Variants in RTN4IP1 observed in about 807,000 individuals in gnomAD.
The protein encoded by RTN4IP1 is NAD(P)H oxidoreductase RTN4IP1, mitochondrial.
Under a neutral mutation model 46.6 loss-of-function variants are expected in RTN4IP1, and 32 were observed. The observed-to-expected ratio is 0.69, with a 90% CI of 0.52 to 0.92. The LOEUF is 0.92. Among genes scored for constraint, RTN4IP1 ranks in the 40% least tolerant of loss-of-function variants. The pLI, the probability that RTN4IP1 is intolerant of heterozygous loss-of-function variation, is 0.00. For missense variants in RTN4IP1, 424 were observed against 485.8 expected, an observed-to-expected ratio of 0.87 and a Z score of 1.20; for synonymous variants, 167 against 161.8, an observed-to-expected ratio of 1.03 and a Z score of -0.24.
chr6:106,597,909 T>C (rs574774745), intron 5 of RTN4IP1, among the ~76,000 whole-genome samples: 7 of 152,150 alleles, frequency 4.6e-5, no homozygotes, highest in African/African-American at 1.2e-4. Context: ...TGTGATCTCA[T>C]TGTTCAATTC....
At chr6:106,619,606 A>ATTTTTTTTT (rs869120910) in intron 3 of RTN4IP1, among the ~76,000 whole-genome samples, 4 of 110,474 alleles carry the variant, frequency 3.6e-5, no homozygotes, top group Non-Finnish European at 5.3e-5. Flanking sequence ...ACTTTTCTTC[A>ATTTTTTTTT]TTTTTTTTTT....
chr6:106,572,103 T>C lies in RTN4IP1; in HGVS notation c.1084A>G (p.Ile362Val). ...AAGGTTTGTTCAATAACTGGCCGGA[T>C]CTGTAAAACATAAGAGGTTGACCGG... ...DIAELVDAGKIRPVIEQTFPF... is the reference protein window; with the variant it reads ...DIAELVDAGKVRPVIEQTFPF... Residue 362 changes from isoleucine (I) to valine (V), a missense_variant and splice_region_variant, in exon 9 of 9, where the codon ATC becomes GTC. Coordinates refer to ENST00000369063, the MANE Select transcript of RTN4IP1 (RefSeq NM_032730.5). 1 of 1,611,638 alleles carries C rather than the reference T, an allele frequency of 6.2e-7. No individual in the cohort carries two copies. Among genetic ancestry groups the C allele is most frequent in the Non-Finnish European group, 8.5e-7 (1 of 1,177,906 alleles).
chr6:106,578,280 G>A (rs1270270305), intron 8 of RTN4IP1, among the ~76,000 whole-genome samples: 1 of 152,232 alleles, frequency 6.6e-6, no homozygotes, highest in Non-Finnish European at 1.5e-5. Flanking sequence ...CCCTGCCTAT[G>A]TGACCTTGAA....
At chr6:106,594,774 ATC>A (rs528670560) in intron 5 of RTN4IP1, among the ~76,000 whole-genome samples, 178 of 152,096 alleles carry the variant, frequency 1.2e-3, no homozygotes, top group African/African-American at 4.1e-3. Flanking sequence ...TATCTTTTAA[ATC>A]TCTTTTTTTA....
chr6:106,576,064 C>T (rs778491372), intron 8 of RTN4IP1, among the ~76,000 whole-genome samples: 6 of 152,202 alleles, frequency 3.9e-5, no homozygotes, highest in Non-Finnish European at 8.8e-5. Flanking sequence ...AGGTATGCCC[C>T]TGACCTCTGT....
chr6:106,598,799 A>G (rs1270873141), intron 5 of RTN4IP1, among the ~76,000 whole-genome samples: 1 of 151,250 alleles, frequency 6.6e-6, no homozygotes, highest in Non-Finnish European at 1.5e-5. Flanking sequence ...GGTAATGCCT[A>G]GGTTTTCTTC....
At chr6:106,572,318 T>G in intron 8 of RTN4IP1, 1 of 547,378 alleles carries the variant, frequency 1.8e-6, no homozygotes, top group Non-Finnish European at 3.3e-6. Context: ...CCCACCCCAC[T>G]GCCCAGTCTT....
chr6:106,572,300 T>A (rs1332057297), intron 8 of RTN4IP1, 197 bp from the exon 9 acceptor site: 1 of 585,220 alleles, frequency 1.7e-6, no homozygotes, highest in Non-Finnish European at 3.0e-6. Flanking sequence ...TCTCTCTTTA[T>A]GGCCCCTCCC....
At chr6:106,609,888 C>T (rs1223511522) in intron 4 of RTN4IP1, among the ~76,000 whole-genome samples, 2 of 151,640 alleles carry the variant, frequency 1.3e-5, no homozygotes, top group African/African-American at 4.8e-5. Flanking sequence ...TTTGTGTTGC[C>T]ACCTGATGGC....
chr6:106,617,751 G>A (rs955992314), intron 4 of RTN4IP1, among the ~76,000 whole-genome samples: 4 of 152,098 alleles, frequency 2.6e-5, no homozygotes, highest in East Asian at 3.8e-4. Context: ...TATATTAAAA[G>A]TAAGTCCACA....
chr6:106,615,620 A>G (rs760087777), intron 4 of RTN4IP1, among the ~76,000 whole-genome samples: 3 of 151,598 alleles, frequency 2.0e-5, no homozygotes, highest in Non-Finnish European at 2.9e-5. Context: ...GACTACAGGC[A>G]CGCAACACTA....
At chr6:106,608,197 C>G (rs534797789) in intron 4 of RTN4IP1, among the ~76,000 whole-genome samples, 2 of 152,166 alleles carry the variant, frequency 1.3e-5, no homozygotes, top group East Asian at 3.9e-4. Context: ...CAGGGATGAG[C>G]CTGGAGGACA....
intron 5 of RTN4IP1, among the ~76,000 whole-genome samples, chr6:106,597,516 G>T (rs1463489098): frequency 6.6e-6 from 1 of 151,736 alleles, no homozygotes; most frequent in Non-Finnish European, 1.5e-5. Context: ...GCTAATTTTT[G>T]TATTTTTTGT....
chr6:106,624,668 C>T (rs1036994612), intron 1 of RTN4IP1, among the ~76,000 whole-genome samples: 1 of 149,606 alleles, frequency 6.7e-6, no homozygotes, highest in African/African-American at 2.4e-5. Flanking sequence ...TATTTACAGG[C>T]CAGGTGTGGT....
At chr6:106,624,011 G>T (rs1776565406) in intron 1 of RTN4IP1, among the ~76,000 whole-genome samples, 1 of 152,090 alleles carries the variant, frequency 6.6e-6, no homozygotes, top group Non-Finnish European at 1.5e-5. Context: ...AAGCCTCTTG[G>T]CTGCATCTGT....
At chr6:106,594,870 G>A (rs973353077) in intron 5 of RTN4IP1, among the ~76,000 whole-genome samples, 5 of 151,488 alleles carry the variant, frequency 3.3e-5, no homozygotes, top group Non-Finnish European at 7.4e-5. Flanking sequence ...GCATGATCTC[G>A]GCTCACTGCA....
In RTN4IP1 at chr6:106,572,102, A is replaced by T; in HGVS notation, c.1085T>A (p.Ile362Asn). 1 of 1,612,268 alleles carries T rather than the reference A, an allele frequency of 6.2e-7. No homozygotes were observed. The highest frequency in any genetic ancestry group is 8.5e-7 in the Non-Finnish European group (1 of 1,178,434). ...AAAGGTTTGTTCAATAACTGGCCGG[A>T]TCTGTAAAACATAAGAGGTTGACCG... is the stretch of plus-strand genomic sequence containing the variant. ...DIAELVDAGK[I>N]RPVIEQTFPF... Residue 362 changes from isoleucine to asparagine, a missense_variant and splice_region_variant, in exon 9 of 9, where the codon ATC becomes AAC. Coordinates refer to ENST00000369063, the MANE Select transcript of RTN4IP1 (RefSeq NM_032730.5).
intron 4 of RTN4IP1, among the ~76,000 whole-genome samples, chr6:106,603,664 T>C (rs1406067108): frequency 6.6e-6 from 1 of 152,206 alleles, no homozygotes; most frequent in Admixed American, 6.5e-5. Context: ...CATATGCTTA[T>C]TGACAAGGAA....
chr6:106,600,883 G>T lies in RTN4IP1; in HGVS notation c.669+1991C>A, dbSNP rs139288549. Among the ~76,000 whole-genome samples, 83 of 151,616 alleles carry T rather than the reference G, an allele frequency of 5.5e-4. No individual in the cohort carries two copies. The East Asian group carries it at 0.015, about 27-fold the overall frequency. Reference sequence around the variant, plus strand: ...TTTTTTCACTATTATGAATAATACTGCTATGAATATTCATGAATAAGATTA... The same window carrying T: ...TTTTTTCACTATTATGAATAATACTTCTATGAATATTCATGAATAAGATTA... On this transcript the variant is annotated intron_variant, in intron 5 of 8. Transcript: ENST00000369063.
Sources: allele counts gnomAD v4.1 joint callset (sites outside exome capture counted in the v4.1 genomes callset), GRCh38; gene constraint gnomAD v4.1.1; transcripts MANE v1.5; gene names NCBI Gene and HGNC (gene_info 2026-07-23, HGNC 2026-07-21).